LIPC: variants seen among roughly 807,000 people sequenced by gnomAD.
LIPC encodes the protein hepatic triacylglycerol lipase.
In LIPC, 44 loss-of-function variants were observed where a neutral mutation model predicts 50.7. That is an observed-to-expected ratio of 0.87 (90% confidence interval 0.68 to 1.11). LIPC has a LOEUF of 1.11. Ranked by LOEUF, LIPC falls within the 50% of genes most tolerant of loss-of-function variation. LIPC has a pLI of 0.00. For synonymous variants in LIPC, 271 were observed against 256.4 expected (o/e 1.06, Z -0.54); for missense variants, 697 against 648.2 (o/e 1.08, Z -0.82).
At chr15:58,436,169 GT>G (rs1174149543) in intron 1 of LIPC, 1 of 153,290 alleles carries the variant, frequency 6.5e-6, no homozygotes, top group Non-Finnish European at 1.5e-5. Context: ...GCAAGAGTAA[GT>G]GTGCGATGGT....
At chr15:58,481,837 T>C (rs1406560545) in intron 1 of LIPC, among the ~76,000 whole-genome samples, 1 of 152,108 alleles carries the variant, frequency 6.6e-6, no homozygotes, top group Non-Finnish European at 1.5e-5. Context: ...TGTATGTACT[T>C]GTGTAGAATA....
At chr15:58,441,123 G>T (rs575425141) in intron 1 of LIPC, among the ~76,000 whole-genome samples, 2 of 152,300 alleles carry the variant, frequency 1.3e-5, no homozygotes, top group Non-Finnish European at 2.9e-5. Context: ...AAGGGCAGGG[G>T]TGGGGCCCAG....
intron 1 of LIPC, among the ~76,000 whole-genome samples, chr15:58,475,476 C>T (rs112347901): frequency 1.4e-4 from 22 of 152,320 alleles, no homozygotes; most frequent in African/African-American, 4.8e-4. Context: ...AACACACTCC[C>T]GTTCTTTCAA....
chr15:58,548,460 C>T lies in LIPC; in HGVS notation c.939C>T (p.Cys313=). ...GDMNSFSQGL[C]LSCKKGRCNT... Reference sequence around the variant, plus strand: ...TGAACAGCTTCAGCCAGGGCCTGTGCCTGAGCTGCAAGAAGGGCCGCTGCA... The same window carrying T: ...TGAACAGCTTCAGCCAGGGCCTGTGTCTGAGCTGCAAGAAGGGCCGCTGCA... The change falls in exon 6 of 9, where the codon TGC becomes TGT. Residue 313 remains cysteine (C), a synonymous_variant. Transcript: ENST00000299022. The T allele has an allele frequency of 6.2e-7, 1 of 1,613,336 alleles. No homozygotes were observed. Among genetic ancestry groups the T allele is most frequent in the Non-Finnish European group, 8.5e-7 (1 of 1,179,658 alleles).
At chr15:58,528,140 C>A (rs78378537) in intron 1 of LIPC, among the ~76,000 whole-genome samples, 317 of 137,640 alleles carry the variant, frequency 2.3e-3, no homozygotes, top group Middle Eastern at 3.8e-3. Flanking sequence ...AACTCTGTCT[C>A]AAAAAAAAAA....
intron 1 of LIPC, among the ~76,000 whole-genome samples, chr15:58,440,869 G>C (rs1291669431): frequency 2.0e-5 from 3 of 152,168 alleles, no homozygotes; most frequent in Non-Finnish European, 4.4e-5. Context: ...AAAAGGGAGA[G>C]TGAAGTTGGG....
At chr15:58,515,426 T>C (rs909432311) in intron 1 of LIPC, among the ~76,000 whole-genome samples, 1 of 152,168 alleles carries the variant, frequency 6.6e-6, no homozygotes, top group Non-Finnish European at 1.5e-5. Context: ...GCAGCTACTA[T>C]GTGCAGGGCA....
intron 1 of LIPC, among the ~76,000 whole-genome samples, chr15:58,532,018 G>A (rs1892975435): frequency 6.6e-6 from 1 of 152,038 alleles, no homozygotes; most frequent in African/African-American, 2.4e-5. Flanking sequence ...GTGATGCTAG[G>A]GTGTCACAAG....
chr15:58,530,257 C>T (rs1349512595), intron 1 of LIPC, among the ~76,000 whole-genome samples: 1 of 152,222 alleles, frequency 6.6e-6, no homozygotes, highest in Non-Finnish European at 1.5e-5. Flanking sequence ...CTGAAGGAAT[C>T]AGGGAAGACC....
At chr15:58,563,941 G>C in intron 8 of LIPC, 1 of 583,552 alleles carries the variant, frequency 1.7e-6, no homozygotes, top group South Asian at 1.8e-5. Context: ...TACACACCAG[G>C]GTCTCCCCAC....
intron 1 of LIPC, chr15:58,454,341 C>T (rs1296057429): frequency 6.6e-6 from 1 of 152,262 alleles, no homozygotes; most frequent in Non-Finnish European, 1.5e-5. Flanking sequence ...CCATCACCTT[C>T]CCAGGCCAAG....
At chr15:58,516,130 A>G (rs766265873) in intron 1 of LIPC, among the ~76,000 whole-genome samples, 1 of 151,826 alleles carries the variant, frequency 6.6e-6, no homozygotes, top group Non-Finnish European at 1.5e-5. Flanking sequence ...CTTGAACCTT[A>G]AAGGTGCTGC....
chr15:58,550,912 C>T (rs1313287403), intron 6 of LIPC, among the ~76,000 whole-genome samples: 1 of 142,612 alleles, frequency 7.0e-6, no homozygotes, highest in African/African-American at 2.6e-5. Flanking sequence ...TCTTGGCTCA[C>T]TGCAACCTCC....
At chr15:58,519,326 G>T (rs965369569) in intron 1 of LIPC, among the ~76,000 whole-genome samples, 8 of 151,712 alleles carry the variant, frequency 5.3e-5, no homozygotes, top group African/African-American at 1.7e-4. Context: ...CAGGAGAATG[G>T]CGTGAACCCG....
At chr15:58,561,097 C>A in intron 7 of LIPC, 116 bp downstream of exon 7, 6 of 748,926 alleles carry the variant, frequency 8.0e-6, no homozygotes, top group Admixed American at 5.7e-5. Flanking sequence ...ATTCCAGACG[C>A]AAACCAAAAA....
At chr15:58,489,157 A>C (rs1361413000) in intron 1 of LIPC, among the ~76,000 whole-genome samples, 1 of 130,992 alleles carries the variant, frequency 7.6e-6, no homozygotes, top group African/African-American at 2.9e-5. Context: ...AGAAAGTTTC[A>C]CCTCTCCAAA....
chr15:58,487,272 G>T (rs1891411486), intron 1 of LIPC, among the ~76,000 whole-genome samples: 1 of 152,194 alleles, frequency 6.6e-6, no homozygotes, highest in Non-Finnish European at 1.5e-5. Context: ...TAACCTTGTA[G>T]AGCTTCCATT....
intron 1 of LIPC, among the ~76,000 whole-genome samples, chr15:58,487,175 G>A (rs770969162): frequency 6.6e-6 from 1 of 152,182 alleles, no homozygotes; most frequent in Non-Finnish European, 1.5e-5. Context: ...TTCAAAGGTG[G>A]TTCTTACACA....
At chr15:58,490,370 G>C (rs1212854724) in intron 1 of LIPC, among the ~76,000 whole-genome samples, 1 of 152,174 alleles carries the variant, frequency 6.6e-6, no homozygotes, top group African/African-American at 2.4e-5. Flanking sequence ...TTCCAAAAGA[G>C]CGTATCTCCT....
Sources: gnomAD v4.1 joint callset for allele counts (sites outside exome capture counted in the v4.1 genomes callset) on GRCh38, gnomAD v4.1.1 for gene constraint, MANE v1.5 for transcripts, NCBI Gene and HGNC (gene_info 2026-07-23, HGNC 2026-07-21) for gene names.